GRID1: variants seen among roughly 807,000 people sequenced by gnomAD.
GRID1 encodes glutamate ionotropic receptor delta type subunit 1.
In GRID1, 28 loss-of-function variants were observed where a neutral mutation model predicts 98.0. The observed-to-expected ratio is 0.29, with a 90% CI of 0.21 to 0.39. GRID1 has a LOEUF of 0.39. GRID1 is among the 10% of genes least tolerant of loss of function. GRID1 has a pLI of 1.00. For synonymous variants in GRID1, 553 were observed against 538.5 expected, an observed-to-expected ratio of 1.03 and a Z score of -0.37; for missense variants, 1,111 against 1,340.5, an observed-to-expected ratio of 0.83 and a Z score of 2.67.
chr10:85,733,415 GAGA>G (rs1349972869), intron 8 of GRID1, among the ~76,000 whole-genome samples: 1 of 152,150 alleles, frequency 6.6e-6, no homozygotes, highest in African/African-American at 2.4e-5. Flanking sequence ...TCTGTAACTG[GAGA>G]AGAAGATGGG....
chr10:85,863,280 A>G (rs1254076535), intron 6 of GRID1, among the ~76,000 whole-genome samples: 2 of 152,200 alleles, frequency 1.3e-5, no homozygotes, highest in Admixed American at 6.5e-5. Context: ...TTGCCCTGGC[A>G]GAGTGGAAGA....
chr10:85,617,218 C>A (rs1296355701), intron 14 of GRID1, among the ~76,000 whole-genome samples: 1 of 149,244 alleles, frequency 6.7e-6, no homozygotes, highest in Non-Finnish European at 1.5e-5. Flanking sequence ...ATGCACCATA[C>A]AACAAAGCCC....
At chr10:85,632,560 T>C (rs895792469) in intron 13 of GRID1, among the ~76,000 whole-genome samples, 8 of 151,988 alleles carry the variant, frequency 5.3e-5, no homozygotes, top group African/African-American at 1.9e-4. Flanking sequence ...TGTTAACATA[T>C]ACTTTTTAAG....
At chr10:85,755,083 C>T (rs1590217962) in intron 8 of GRID1, among the ~76,000 whole-genome samples, 2 of 152,042 alleles carry the variant, frequency 1.3e-5, no homozygotes, top group East Asian at 3.9e-4. Context: ...CTCCCTAGTT[C>T]CCCCCACTAT....
chr10:86,265,463 C>T (rs554506019), intron 2 of GRID1, among the ~76,000 whole-genome samples: 2 of 152,348 alleles, frequency 1.3e-5, no homozygotes, highest in East Asian at 1.9e-4. Flanking sequence ...GACACTGAGG[C>T]TTGCCCACAG....
At chr10:86,073,819 TG>T (rs769340251) in intron 4 of GRID1, among the ~76,000 whole-genome samples, 35 of 152,344 alleles carry the variant, frequency 2.3e-4, no homozygotes, top group Admixed American at 5.9e-4. Context: ...CCACATGCCC[TG>T]CCTGGCTGAC....
At chr10:86,146,925 C>T (rs921818791) in intron 3 of GRID1, among the ~76,000 whole-genome samples, 2 of 152,180 alleles carry the variant, frequency 1.3e-5, no homozygotes, top group Admixed American at 6.5e-5. Flanking sequence ...TGGAAGTCAG[C>T]GGGGCACCAA....
Position 85,854,569 on chromosome 10 carries a change from C to G in GRID1, c.1160G>C (p.Ser387Thr). Residue 387 changes from serine (S) to threonine (T), a missense_variant, in exon 8 of 16, where the codon AGT becomes ACT. Physicochemically the swap from Ser to Thr is moderately conservative, Grantham distance 58. This residue lies in a region of GRID1 where 762 missense variants were observed against 869.1 expected (regional missense o/e 0.88). Transcript: ENST00000327946. ...LTGVMEFREDSSNPYVQFEIL... is the reference protein window; with the variant it reads ...LTGVMEFREDTSNPYVQFEIL... The stretch of plus-strand genomic sequence containing the variant: ...TTCAAACTGGACATAGGGATTCGAA[C>G]TGTCCTCCCGAAACTCCATCACCCC... 1.2e-6 allele frequency: 2 copies of G among 1,613,582 alleles called. No homozygotes were observed. Among genetic ancestry groups the G allele is most frequent in the South Asian group, 2.2e-5 (2 of 91,074 alleles).
chr10:85,884,824 C>T (rs902833727), intron 5 of GRID1, among the ~76,000 whole-genome samples: 11 of 152,160 alleles, frequency 7.2e-5, no homozygotes, highest in Admixed American at 6.5e-4. Flanking sequence ...TGGCAAAATA[C>T]TGATGGATCT....
rs545159704 is a variant in GRID1 at position 86,123,095 on chromosome 10, G to A, written c.726+15724C>T. ...CAAGTCATGTCATGATTTTGGTTCC[G>A]TGCAATGCCAGGCCTGACTACTCCG... On this transcript the variant is annotated intron_variant, in intron 4 of 15. Coordinates refer to ENST00000327946, the MANE Select transcript of GRID1 (RefSeq NM_017551.3). Among the ~76,000 whole-genome samples the A allele has an allele frequency of 7.9e-5, 12 of 152,320 alleles. No individual in the cohort carries two copies. The East Asian group carries it at 1.5e-3, about 20-fold the overall frequency.
At chr10:86,134,030 A>C (rs910303612) in intron 4 of GRID1, among the ~76,000 whole-genome samples, 1 of 152,272 alleles carries the variant, frequency 6.6e-6, no homozygotes, top group African/African-American at 2.4e-5. Context: ...AGGCCTATGT[A>C]CGGTAGAGAC....
intron 3 of GRID1, among the ~76,000 whole-genome samples, chr10:86,182,374 T>C (rs2132002237): frequency 6.6e-6 from 1 of 152,344 alleles, no homozygotes; most frequent in East Asian, 1.9e-4. Context: ...TGAATTTCTT[T>C]GTGGAAAGGA....
intron 8 of GRID1, among the ~76,000 whole-genome samples, chr10:85,749,349 T>A (rs1309443598): frequency 1.3e-5 from 2 of 152,162 alleles, no homozygotes; most frequent in African/African-American, 4.8e-5. Flanking sequence ...AATAACAGGA[T>A]AGATGTTGCC....
At chr10:85,781,579 A>G (rs1029152014) in intron 8 of GRID1, among the ~76,000 whole-genome samples, 2 of 152,188 alleles carry the variant, frequency 1.3e-5, no homozygotes, top group Admixed American at 6.5e-5. Context: ...AGCGTAGGTA[A>G]CAAGTGGGTG....
chr10:86,036,544 T>C (rs1244371074), intron 4 of GRID1, among the ~76,000 whole-genome samples: 1 of 152,092 alleles, frequency 6.6e-6, no homozygotes, highest in Non-Finnish European at 1.5e-5. Context: ...CAGCCAGAGG[T>C]ACAGAACTGA....
chr10:86,030,337 A>C (rs1843169639), intron 4 of GRID1, among the ~76,000 whole-genome samples: 1 of 152,258 alleles, frequency 6.6e-6, no homozygotes, highest in Non-Finnish European at 1.5e-5. Context: ...GGGATTAATA[A>C]TTGCAGGAAA....
At chr10:85,806,448 C>G (rs555016379) in intron 8 of GRID1, among the ~76,000 whole-genome samples, 1 of 151,970 alleles carries the variant, frequency 6.6e-6, no homozygotes, top group African/African-American at 2.4e-5. Flanking sequence ...TATCATAACC[C>G]TAGATATTTA....
chr10:85,727,811 A>G, intron 10 of GRID1, 44 bp downstream of exon 10: 1 of 1,432,742 alleles, frequency 7.0e-7, no homozygotes. Flanking sequence ...ACCCCAGAGG[A>G]AGACTAGGGT....
At chr10:86,161,062 T>C (rs940598060) in intron 3 of GRID1, among the ~76,000 whole-genome samples, 1 of 152,206 alleles carries the variant, frequency 6.6e-6, no homozygotes, top group Non-Finnish European at 1.5e-5. Context: ...AAGCTGTGCA[T>C]TGTCCCAGGC....
Sources: allele counts gnomAD v4.1 joint callset (sites outside exome capture counted in the v4.1 genomes callset), GRCh38; gene constraint gnomAD v4.1.1; regional missense constraint gnomAD v4.1.1; transcripts MANE v1.5; gene names NCBI Gene and HGNC (gene_info 2026-07-23, HGNC 2026-07-21).